Variants in CRYBG1 observed in about 807,000 individuals in gnomAD.
CRYBG1 encodes the protein crystallin beta-gamma domain containing 1.
In CRYBG1, 139 loss-of-function variants were observed where a neutral mutation model predicts 189.2. The observed-to-expected ratio is 0.73, with a 90% confidence interval of 0.64 to 0.85. CRYBG1 has a LOEUF of 0.85. CRYBG1 is among the 40% of genes least tolerant of loss of function. CRYBG1 has a pLI of 0.00. For synonymous variants in CRYBG1, 1,023 were observed against 1,017.1 expected (o/e 1.01, Z -0.11); for missense variants, 2,611 against 2,675.8 (o/e 0.98, Z 0.53).
rs1051875301 is a variant in CRYBG1, at chr6:106,525,019, A to G, written c.4246-114A>G. On this transcript the variant is annotated intron_variant, in intron 4 of 21. Transcript: ENST00000633556. ...TAGCATCCATTAGAGTGGAGGTTTC[A>G]AAATCGATACAATGTGGGAAAAGTG... The G allele has an allele frequency of 9.2e-6, 10 of 1,082,222 alleles. No homozygotes were observed. The African/African-American group carries it at 1.1e-4, about 12-fold the overall frequency. 67.0% of individuals were successfully genotyped at this position (1,082,222 alleles called of 1,614,324 possible).
intron 2 of CRYBG1, among the ~76,000 whole-genome samples, chr6:106,453,026 C>T (rs927685764): frequency 2.1e-4 from 32 of 152,290 alleles, no homozygotes; most frequent in African/African-American, 7.0e-4. Context: ...CATATATTAA[C>T]GGTTTAAAAA....
chr6:106,567,704 C>T (rs1434166303), intron 21 of CRYBG1, among the ~76,000 whole-genome samples: 1 of 151,992 alleles, frequency 6.6e-6, no homozygotes, highest in Non-Finnish European at 1.5e-5. Flanking sequence ...TCAGATAACC[C>T]TTTTGTTAAT....
intron 2 of CRYBG1, among the ~76,000 whole-genome samples, chr6:106,479,066 C>T (rs1772391951): frequency 6.6e-6 from 1 of 152,218 alleles, no homozygotes; most frequent in South Asian, 2.1e-4. Context: ...TGTATCAGTA[C>T]TTTATTCCTT....
chr6:106,468,750 G>A (rs12662919), intron 2 of CRYBG1, among the ~76,000 whole-genome samples: 10,448 of 152,218 alleles, frequency 0.069, 807 homozygotes, highest in African/African-American at 0.19. Flanking sequence ...ACATGTAGAT[G>A]TGATACATGA....
intron 1 of CRYBG1, among the ~76,000 whole-genome samples, chr6:106,434,368 G>C (rs914746865): frequency 6.6e-6 from 1 of 152,214 alleles, no homozygotes; most frequent in Non-Finnish European, 1.5e-5. Context: ...TAAATTTAAG[G>C]ATTATTCAGA....
Position 106,512,125 on chromosome 6 carries a change from C to CA in CRYBG1, c.1010dup (p.Ala339ArgfsTer3), listed in dbSNP as rs1261744951. 3.9e-6 allele frequency: 6 copies of CA among 1,534,272 alleles called. No homozygotes were observed. The highest frequency in any genetic ancestry group is 5.2e-6 in the Non-Finnish European group (6 of 1,146,002). The stretch of plus-strand genomic sequence containing the variant: ...CCCGCAACGCCCGCAGCCAGCCCCC[C>CA]AAGGGCGCGTCTGATTTGCCAGGTG... On this transcript the variant is annotated frameshift_variant, in exon 3 of 22. Transcript: ENST00000633556. LOFTEE classifies it high-confidence loss of function.
intron 1 of CRYBG1, among the ~76,000 whole-genome samples, chr6:106,375,790 A>T (rs1179841029): frequency 6.6e-6 from 1 of 152,146 alleles, no homozygotes; most frequent in Admixed American, 6.6e-5. Flanking sequence ...GTTCCCCTTC[A>T]CCCCTGTGGG....
At chr6:106,439,717 G>C (rs1771533520) in intron 1 of CRYBG1, among the ~76,000 whole-genome samples, 2 of 148,862 alleles carry the variant, frequency 1.3e-5, no homozygotes, top group South Asian at 4.3e-4. Context: ...AAAAAAACTT[G>C]TTTTGTATCA....
At chr6:106,555,161 T>TC (rs1322204961) in intron 16 of CRYBG1, among the ~76,000 whole-genome samples, 1 of 126,450 alleles carries the variant, frequency 7.9e-6, no homozygotes, top group African/African-American at 3.1e-5. Context: ...CGAGATTCTG[T>TC]CCCCCCGCCA....
intron 1 of CRYBG1, among the ~76,000 whole-genome samples, chr6:106,402,748 A>G (rs1717122276): frequency 6.6e-6 from 1 of 152,162 alleles, no homozygotes; most frequent in East Asian, 1.9e-4. Flanking sequence ...AATGGTGGAG[A>G]CATGTCAGGA....
intron 17 of CRYBG1, 93 bp downstream of exon 17, chr6:106,555,990 AAAGT>A (rs1774536478): frequency 9.2e-6 from 13 of 1,420,514 alleles, no homozygotes; most frequent in Non-Finnish European, 1.2e-5. Context: ...ACCTGCTCTT[AAAGT>A]TAGTTAAGGG....
At chr6:106,478,039 A>G (rs1482639636) in intron 2 of CRYBG1, among the ~76,000 whole-genome samples, 1 of 152,260 alleles carries the variant, frequency 6.6e-6, no homozygotes, top group Non-Finnish European at 1.5e-5. Flanking sequence ...AAATGTCAGT[A>G]CAAGTGCCAG....
rs1773574086 is a variant in CRYBG1 at position 106,520,507 on chromosome 6, ATTC to A, written c.3307_3309del (p.Ser1103del). On this transcript the variant is annotated inframe_deletion, in exon 4 of 22. Transcript: ENST00000633556. ...GCTGGTAGTGATGATAGTGTATTTG[ATTC>A]TTCTTCTGATATGGAAAAATTCACT... The A allele has an allele frequency of 1.2e-6, 2 of 1,614,184 alleles. No individual in the cohort carries two copies. Among genetic ancestry groups the A allele is most frequent in the Non-Finnish European group, 1.7e-6 (2 of 1,180,018 alleles).
intron 9 of CRYBG1, among the ~76,000 whole-genome samples, chr6:106,540,140 G>T (rs1348058033): frequency 6.6e-6 from 1 of 152,056 alleles, no homozygotes; most frequent in Non-Finnish European, 1.5e-5. Flanking sequence ...GAAGCTTTGT[G>T]CTTCCTCTCC....
intron 2 of CRYBG1, among the ~76,000 whole-genome samples, chr6:106,498,185 T>C (rs999435870): frequency 2.7e-5 from 4 of 150,896 alleles, no homozygotes; most frequent in Admixed American, 6.6e-5. Flanking sequence ...ACATAGTCAA[T>C]GCCATTAGAA....
intron 1 of CRYBG1, among the ~76,000 whole-genome samples, chr6:106,374,310 A>G (rs942890705): frequency 4.6e-5 from 7 of 152,130 alleles, no homozygotes; most frequent in African/African-American, 1.7e-4. Flanking sequence ...TCCCAGCACA[A>G]TGTGAGGCTA....
At chr6:106,527,015 C>CAG (rs1311679642) in intron 6 of CRYBG1, among the ~76,000 whole-genome samples, 10 of 145,674 alleles carry the variant, frequency 6.9e-5, no homozygotes, top group Non-Finnish European at 1.4e-4. Flanking sequence ...GACATATTAT[C>CAG]ATAAGTCTCT....
Position 106,453,018 on chromosome 6 carries a change from T to C in CRYBG1, c.312+1186T>C, listed in dbSNP as rs189025446. On this transcript the variant is annotated intron_variant, in intron 2 of 21. Transcript: ENST00000633556. ...AAAGACATTTGCTTTAGTAATACCA[T>C]ATATTAACGGTTTAAAAAATTACTT... 2.9e-3 allele frequency among the ~76,000 whole-genome samples: 445 copies of C among 152,334 alleles called. 2 individuals are homozygous for C. Among genetic ancestry groups the C allele is most frequent in the Middle Eastern group, 6.8e-3 (2 of 294 alleles).
rs546411865 is a variant in CRYBG1 at position 106,558,601 on chromosome 6, G to A, written c.5831G>A (p.Arg1944His). 4.7e-5 allele frequency: 75 copies of A among 1,611,396 alleles called. No homozygotes were observed. In the Middle Eastern group the frequency reaches 3.5e-3, roughly 75 times the overall value. The change falls in exon 18 of 22, where the codon CGC becomes CAC. Residue 1944 changes from arginine (R) to histidine (H), a missense_variant. This residue lies in a region of CRYBG1 where 1,622 missense variants were observed against 1,735.0 expected (regional missense o/e 0.93). Transcript: ENST00000633556. ...LRSLGFNTQIRSVQVIGGIWV... is the reference protein window; with the variant it reads ...LRSLGFNTQIHSVQVIGGIWV... ...TCCCTGGGATTCAACACACAAATAC[G>A]CTCTGTTCAGGTTATTGGTGGCATG...
Sources: allele counts gnomAD v4.1 joint callset (sites outside exome capture counted in the v4.1 genomes callset), GRCh38; gene constraint gnomAD v4.1.1; regional missense constraint gnomAD v4.1.1; transcripts MANE v1.5; gene names NCBI Gene and HGNC (gene_info 2026-07-23, HGNC 2026-07-21).